The following ARRDC4 variants were observed in gnomAD, a reference collection of about 807,000 sequenced individuals.
ARRDC4 encodes arrestin domain containing 4.
A neutral mutation model predicts 44.6 loss-of-function variants in ARRDC4; 40 were observed. That is an observed-to-expected ratio of 0.90 (90% confidence interval 0.70 to 1.17). ARRDC4 has a LOEUF of 1.17. Ranked by LOEUF, ARRDC4 falls within the 50% of genes most tolerant of loss-of-function variation. The pLI is 0.00. For missense variants in ARRDC4, 550 were observed against 559.1 expected (o/e 0.98, Z 0.16); for synonymous variants, 211 against 221.2 (o/e 0.95, Z 0.41).
At position 97,968,094 on chromosome 15, in the gene ARRDC4, T is replaced by TGAAAGAAAGG; in HGVS notation, c.606_615dup (p.Tyr206LysfsTer6). 1 of 1,602,498 alleles carries TGAAAGAAAGG rather than the reference T, an allele frequency of 6.2e-7. No individual in the cohort carries two copies. The highest frequency in any genetic ancestry group is 8.5e-7 in the Non-Finnish European group (1 of 1,174,412). The stretch of plus-strand genomic sequence containing the variant: ...GTCCAGTCTCGCTGAGTGCCAAAAT[T>TGAAAGAAAGG]GAAAGAAAGGGATACTGTAATGGTA... On this transcript the variant is annotated frameshift_variant, in exon 4 of 8. Transcript: ENST00000268042. LOFTEE classifies it high-confidence loss of function. This position sits in a 1 kb window ranked among gnomAD's most constrained non-coding sequence, Gnocchi z 5.4.
intron 7 of ARRDC4, 78 bp from the exon 8 acceptor site, chr15:97,971,050 CCAT>C: frequency 2.1e-6 from 3 of 1,459,424 alleles, no homozygotes; most frequent in Non-Finnish European, 2.9e-6. Context: ...TGGCATATAA[CCAT>C]CATATAATTA....
At position 97,970,922 on chromosome 15, in the gene ARRDC4, T is replaced by C. The variant is rs1029417735; in HGVS notation, c.1200+179T>C. Among the ~76,000 whole-genome samples, 1 of 152,168 alleles carries C rather than the reference T, an allele frequency of 6.6e-6. No homozygotes were observed. The highest frequency in any genetic ancestry group is 2.4e-5 in the African/African-American group (1 of 41,440). On this transcript the variant is annotated intron_variant, in intron 7 of 7. Coordinates refer to ENST00000268042, the MANE Select transcript of ARRDC4 (RefSeq NM_183376.3). This position sits in a 1 kb window ranked among gnomAD's most constrained non-coding sequence, Gnocchi z 4.2. The stretch of plus-strand genomic sequence containing the variant: ...CATTTGCCAGATTTTTTTACTATTG[T>C]CCTTGTGATCTATGGCATCAGATAC...
At position 97,970,472 on chromosome 15, in the gene ARRDC4, G is replaced by A; in HGVS notation, c.1046-117G>A. On this transcript the variant is annotated intron_variant, in intron 6 of 7. Transcript: ENST00000268042. The surrounding 1 kb of genome is among the most constrained non-coding windows in gnomAD (Gnocchi z 4.2). ...ATGCATAAAACCTTGCTGATTAGAG[G>A]GAAAGAATGCCATATTTTTTATCTT... 1 of 1,082,890 alleles carries A rather than the reference G, an allele frequency of 9.2e-7. No homozygotes were observed. The highest frequency in any genetic ancestry group is 1.3e-6 in the Non-Finnish European group (1 of 765,314). The allele number at this position is 1,082,890 out of a possible 1,614,324, so 67.1% of individuals were successfully genotyped here. A position where few individuals can be genotyped will look rare whatever the true frequency, so the allele number is the denominator to read the frequency against.
At position 97,972,555 on chromosome 15, in the gene ARRDC4, T is replaced by C. The variant is rs1899533964; in HGVS notation, c.*1368T>C. ...ACATGTTCACTTGCTTTTCCTTCCA[T>C]CTGTTGGTTTTGTGAGCTGAGAGCA... On this transcript the variant is annotated 3_prime_UTR_variant, in exon 8 of 8. Transcript: ENST00000268042. The surrounding 1 kb of genome is among the most constrained non-coding windows in gnomAD (Gnocchi z 5.3). 6.6e-6 allele frequency: 1 copy of C among 152,494 alleles called. No homozygotes were observed. The highest frequency in any genetic ancestry group is 1.5e-5 in the Non-Finnish European group (1 of 68,018). The allele number at this position is 152,494 out of a possible 1,614,324, so 9.4% of individuals were successfully genotyped here.
rs1339737870 is a variant in ARRDC4 at position 97,960,949 on chromosome 15, GGCT to G, written c.92_94del (p.Cys31del). ...TCTGGTGTTCGAGGACGAGCGCAAG[GGCT>G]GCTATTCCAGCGGCGAGACAGTGGC... On this transcript the variant is annotated inframe_deletion, in exon 1 of 8. Transcript: ENST00000268042. 3.4e-6 allele frequency: 5 copies of G among 1,470,302 alleles called. No individual in the cohort carries two copies. In the East Asian group the frequency reaches 1.5e-4, roughly 44 times the overall value. The allele number at this position is 1,470,302 out of a possible 1,614,324, so 91.1% of individuals were successfully genotyped here.
rs79333805 is a variant in ARRDC4, at chr15:97,967,338, G to A, written c.523-676G>A. Reference sequence around the variant, plus strand: ...GTAACTGGGTTTTACAGAAAGCTTTGGTGTGTGTAACTCGTAAACTGAACA... The same window carrying A: ...GTAACTGGGTTTTACAGAAAGCTTTAGTGTGTGTAACTCGTAAACTGAACA... On this transcript the variant is annotated intron_variant, in intron 3 of 7. Coordinates refer to ENST00000268042, the MANE Select transcript of ARRDC4 (RefSeq NM_183376.3). The surrounding 1 kb of genome is among the most constrained non-coding windows in gnomAD (Gnocchi z 5.0). 0.037 allele frequency among the ~76,000 whole-genome samples: 5,645 copies of A among 152,072 alleles called. 288 individuals carry two copies. Among genetic ancestry groups the A allele is most frequent in the African/African-American group, 0.11 (4,700 of 41,440 alleles).
In ARRDC4 at chr15:97,966,244, G is replaced by T. The variant is rs1400602694; in HGVS notation, c.522+202G>T. On this transcript the variant is annotated intron_variant, in intron 3 of 7. Transcript: ENST00000268042. The surrounding 1 kb of genome is among the most constrained non-coding windows in gnomAD (Gnocchi z 4.7). Reference sequence around the variant, plus strand: ...AGGTTGGACAAATTACAAATTGTGTGTGTTAATACTATTGATTATGTCCCT... The same window carrying T: ...AGGTTGGACAAATTACAAATTGTGTTTGTTAATACTATTGATTATGTCCCT... Among the ~76,000 whole-genome samples the T allele has an allele frequency of 2.6e-5, 4 of 152,158 alleles. No homozygotes were observed.
In ARRDC4 at chr15:97,971,197, A is replaced by G. The variant is rs911207285; in HGVS notation, c.*10A>G. 4 of 1,611,776 alleles carry G rather than the reference A, an allele frequency of 2.5e-6. No homozygotes were observed. The highest frequency in any genetic ancestry group is 1.7e-5 in the Admixed American group (1 of 59,976). On this transcript the variant is annotated 3_prime_UTR_variant, in exon 8 of 8. Transcript: ENST00000268042. ...TTCCTTCATTCTCTGAACGTATTTC[A>G]GAAATCACTGTGTTCATCATCAAAT...
At position 97,965,793 on chromosome 15, in the gene ARRDC4, ACT is replaced by A; in HGVS notation, c.375-99_375-98del. 2.6e-6 allele frequency: 4 copies of A among 1,515,194 alleles called. No homozygotes were observed. The highest frequency in any genetic ancestry group is 3.6e-6 in the Non-Finnish European group (4 of 1,101,960). The allele number at this position is 1,515,194 out of a possible 1,614,324, so 93.9% of individuals were successfully genotyped here. ...CACTGAATAGTCCCTAAATAGACTTACTCTTTTTTTATTTCCAACCTAAAACA... is the reference window on the plus strand; with the variant it reads ...CACTGAATAGTCCCTAAATAGACTTACTTTTTTTATTTCCAACCTAAAACA... On this transcript the variant is annotated intron_variant, in intron 2 of 7. Coordinates refer to ENST00000268042, the MANE Select transcript of ARRDC4 (RefSeq NM_183376.3). The surrounding 1 kb of genome is among the most constrained non-coding windows in gnomAD (Gnocchi z 5.1).
At position 97,960,860 on chromosome 15, in the gene ARRDC4, G is replaced by T. The variant is rs1163905901; in HGVS notation, c.-2G>T. The T allele has an allele frequency of 7.4e-7, 1 of 1,356,022 alleles. No individual in the cohort carries two copies. The highest frequency in any genetic ancestry group is 3.0e-5 in the Admixed American group (1 of 33,194). The allele number at this position is 1,356,022 out of a possible 1,614,324, so 84.0% of individuals were successfully genotyped here. Reference sequence around the variant, plus strand: ...AGGGGCAGGAAAGAGTCGCCCGGCGGGATGGGCGGGGAGGCTGGGTGCGCG... The same window carrying T: ...AGGGGCAGGAAAGAGTCGCCCGGCGTGATGGGCGGGGAGGCTGGGTGCGCG... On this transcript the variant is annotated 5_prime_UTR_variant, in exon 1 of 8. Coordinates refer to ENST00000268042, the MANE Select transcript of ARRDC4 (RefSeq NM_183376.3).
intron 1 of ARRDC4, among the ~76,000 whole-genome samples, chr15:97,961,682 C>G (rs1185060581): frequency 6.6e-6 from 1 of 152,290 alleles, no homozygotes; most frequent in East Asian, 1.9e-4. Flanking sequence ...GTTTTCCAGA[C>G]TTGATCATCA....
Position 97,970,575 on chromosome 15 carries a change from C to A in ARRDC4, c.1046-14C>A, listed in dbSNP as rs772238321. 33 of 1,592,358 alleles carry A rather than the reference C, an allele frequency of 2.1e-5. 1 individual carries two copies. In the South Asian group the frequency reaches 3.4e-4, roughly 16 times the overall value. On this transcript the variant is annotated splice_polypyrimidine_tract_variant and intron_variant, in intron 6 of 7. Coordinates refer to ENST00000268042, the MANE Select transcript of ARRDC4 (RefSeq NM_183376.3). This position sits in a 1 kb window ranked among gnomAD's most constrained non-coding sequence, Gnocchi z 4.2. ...TGAGTGGATTTCTTAACTCCAACTT[C>A]ATTTCTATTTCAGCACCACCAAATT...
In ARRDC4 at chr15:97,961,184, C is replaced by A; in HGVS notation, c.307+16C>A. ...CCCCCGGCCGGTAAGCGCAGGCGAG[C>A]GCCTGGGGTTCCCCCGCCAGGCTGC... On this transcript the variant is annotated intron_variant, in intron 1 of 7. Transcript: ENST00000268042. 1 of 1,389,994 alleles carries A rather than the reference C, an allele frequency of 7.2e-7. No individual in the cohort carries two copies. Among genetic ancestry groups the A allele is most frequent in the East Asian group, 3.1e-5 (1 of 32,594 alleles). 86.1% of individuals were successfully genotyped at this position (1,389,994 alleles called of 1,614,324 possible). A position where few individuals can be genotyped will look rare whatever the true frequency, so the allele number is the denominator to read the frequency against.
At position 97,973,234 on chromosome 15, in the gene ARRDC4, G is replaced by C. The variant is rs560062771; in HGVS notation, c.*2047G>C. On this transcript the variant is annotated 3_prime_UTR_variant, in exon 8 of 8. Transcript: ENST00000268042. ...TGGAGAAGAGAAAGTTTAATTATTT[G>C]GTTCCATCTAGAAAAGCAACAACTT... 10 of 152,512 alleles carry C rather than the reference G, an allele frequency of 6.6e-5. No homozygotes were observed. Among genetic ancestry groups the C allele is most frequent in the Non-Finnish European group, 1.3e-4 (9 of 68,012 alleles). The allele number at this position is 152,512 out of a possible 1,614,324, so 9.4% of individuals were successfully genotyped here.
chr15:97,972,321 G>C lies in ARRDC4; in HGVS notation c.*1134G>C, dbSNP rs1899530286. 3.3e-5 allele frequency: 5 copies of C among 152,596 alleles called. No homozygotes were observed. The allele number at this position is 152,596 out of a possible 1,614,324, so 9.5% of individuals were successfully genotyped here. A position where few individuals can be genotyped will look rare whatever the true frequency, so the allele number is the denominator to read the frequency against. On this transcript the variant is annotated 3_prime_UTR_variant, in exon 8 of 8. Coordinates refer to ENST00000268042, the MANE Select transcript of ARRDC4 (RefSeq NM_183376.3). The surrounding 1 kb of genome is among the most constrained non-coding windows in gnomAD (Gnocchi z 5.3). ...TAGAAAAGACACAACTTTAATTCCT[G>C]TCAAGAGACCTAGGTCTACTGATGG...
intron 1 of ARRDC4, among the ~76,000 whole-genome samples, chr15:97,962,829 T>G (rs1260040068): frequency 6.6e-6 from 1 of 152,184 alleles, no homozygotes; most frequent in Non-Finnish European, 1.5e-5. Flanking sequence ...CAGTCTAGAT[T>G]CTGGGGGTAA....
At chr15:97,964,133 A>T (rs1476838957) in intron 1 of ARRDC4, among the ~76,000 whole-genome samples, 2 of 152,244 alleles carry the variant, frequency 1.3e-5, no homozygotes, top group Non-Finnish European at 2.9e-5. Flanking sequence ...AATTGGGGAT[A>T]GATTCAGAAG....
Position 97,969,991 on chromosome 15 carries a change from C to A in ARRDC4, c.991C>A (p.Gln331Lys). Residue 331 changes from glutamine to lysine, a missense_variant, in exon 6 of 8, where the codon CAG (glutamine) becomes AAG (lysine). Gln to Lys is a moderately conservative substitution (Grantham distance 53). Transcript: ENST00000268042. ...CAGCAGAAACTCCAGCATTGCCAGC[C>A]AGTTCAGTATGGATATGAGCTGGTT... ...FGSRNSSIAS[Q>K]FSMDMSWLTL... The A allele has an allele frequency of 6.2e-7, 1 of 1,613,258 alleles. No individual in the cohort carries two copies. The highest frequency in any genetic ancestry group is 8.5e-7 in the Non-Finnish European group (1 of 1,179,548).
At position 97,972,875 on chromosome 15, in the gene ARRDC4, CCTCT is replaced by C. The variant is rs1293742694; in HGVS notation, c.*1692_*1695del. The stretch of plus-strand genomic sequence containing the variant: ...GTATGCTTTTCATCCTCTGGGCTTA[CCTCT>C]CTCCTCTGCAATCCTGGAAGCATCG... On this transcript the variant is annotated 3_prime_UTR_variant, in exon 8 of 8. Coordinates refer to ENST00000268042, the MANE Select transcript of ARRDC4 (RefSeq NM_183376.3). The surrounding 1 kb of genome is among the most constrained non-coding windows in gnomAD (Gnocchi z 5.3). The C allele has an allele frequency of 6.6e-6, 1 of 152,602 alleles. No individual in the cohort carries two copies. The highest frequency in any genetic ancestry group is 1.5e-5 in the Non-Finnish European group (1 of 68,018). 9.5% of individuals were successfully genotyped at this position (152,602 alleles called of 1,614,324 possible).
Sources: gnomAD v4.1 joint callset for allele counts (sites outside exome capture counted in the v4.1 genomes callset) on GRCh38, gnomAD v4.1.1 for gene constraint, Gnocchi (gnomAD v3.1) non-coding constraint, MANE v1.5 for transcripts, NCBI Gene and HGNC (gene_info 2026-07-23, HGNC 2026-07-21) for gene names.